HPSE2: variants seen among roughly 807,000 people sequenced by gnomAD.
HPSE2 encodes the protein inactive heparanase-2.
HPSE2 carries 38 observed loss-of-function variants against 60.5 expected under a neutral mutation model. The observed-to-expected ratio is 0.63, with a 90% confidence interval of 0.48 to 0.82. The LOEUF is 0.82. Ranked by LOEUF, HPSE2 falls within the 40% of genes least tolerant of loss-of-function variation. HPSE2 has a pLI of 0.00. For synonymous variants in HPSE2, 295 were observed against 293.2 expected (o/e 1.01, Z -0.06); for missense variants, 713 against 740.4 (o/e 0.96, Z 0.43).
intron 9 of HPSE2, among the ~76,000 whole-genome samples, chr10:98,553,018 T>C (rs1018964438): frequency 6.6e-5 from 10 of 152,220 alleles, no homozygotes; most frequent in African/African-American, 2.2e-4. Flanking sequence ...TTGGATTAAA[T>C]TGAATTCTAA....
chr10:99,256,713 T>C, the HPSE2 span, among the ~76,000 whole-genome samples: 274 of 152,310 alleles, frequency 1.8e-3, 3 homozygotes, highest in African/African-American at 6.4e-3. Context: ...GAAAATCTGA[T>C]GGACACTACT....
chr10:98,972,262 T>G (rs1403843059), intron 3 of HPSE2, among the ~76,000 whole-genome samples: 2 of 152,156 alleles, frequency 1.3e-5, no homozygotes, highest in Non-Finnish European at 2.9e-5. Context: ...TTGTTGATTC[T>G]AGGCATTCTA....
intron 2 of HPSE2, among the ~76,000 whole-genome samples, chr10:99,172,263 C>T (rs1847341223): frequency 6.6e-6 from 1 of 152,126 alleles, no homozygotes. Flanking sequence ...AAGAATTTGT[C>T]AAGCATCATC....
chr10:99,048,141 CT>C, intron 3 of HPSE2: 1 of 896,832 alleles, frequency 1.1e-6, no homozygotes, highest in Non-Finnish European at 1.8e-6. Context: ...AAGCAAATTG[CT>C]TTGACAGATA....
At chr10:98,838,460 A>ATT (rs150325307) in intron 3 of HPSE2, among the ~76,000 whole-genome samples, 1 of 142,398 alleles carries the variant, frequency 7.0e-6, no homozygotes, top group Non-Finnish European at 1.5e-5. Flanking sequence ...GGCCTGATTC[A>ATT]TTTTTTTTTT....
At chr10:98,668,227 TAA>T in intron 6 of HPSE2, among the ~76,000 whole-genome samples, 1 of 151,974 alleles carries the variant, frequency 6.6e-6, no homozygotes, top group Non-Finnish European at 1.5e-5. Flanking sequence ...AATACATCTA[TAA>T]GAGGAATTAC....
intron 3 of HPSE2, among the ~76,000 whole-genome samples, chr10:98,841,446 T>A (rs1305551622): frequency 6.6e-6 from 1 of 152,250 alleles, no homozygotes; most frequent in African/African-American, 2.4e-5. Context: ...TAAACATTTT[T>A]AAGCTTTATT....
intron 3 of HPSE2, among the ~76,000 whole-genome samples, chr10:98,849,620 A>G (rs1952119645): frequency 6.6e-6 from 1 of 152,268 alleles, no homozygotes; most frequent in Non-Finnish European, 1.5e-5. Flanking sequence ...CCTCTCCTAA[A>G]GGGAAAGGAA....
chr10:98,566,707 A>G (rs1479600057), intron 9 of HPSE2, among the ~76,000 whole-genome samples: 1 of 152,130 alleles, frequency 6.6e-6, no homozygotes, highest in Admixed American at 6.5e-5. Context: ...AGAGCTGGGG[A>G]AAACTTGCCC....
chr10:99,255,868 A>C, the HPSE2 span, among the ~76,000 whole-genome samples: 1 of 152,186 alleles, frequency 6.6e-6, no homozygotes, highest in Non-Finnish European at 1.5e-5. Context: ...GAACTGCCTG[A>C]GACTGGGTAA....
intron 2 of HPSE2, among the ~76,000 whole-genome samples, chr10:99,150,388 T>C (rs751959307): frequency 6.6e-6 from 1 of 152,132 alleles, no homozygotes; most frequent in Non-Finnish European, 1.5e-5. Context: ...TGTAGTGGCA[T>C]AGCCCACCAC....
chr10:99,287,139 T>C, the HPSE2 span, among the ~76,000 whole-genome samples: 1 of 152,166 alleles, frequency 6.6e-6, no homozygotes, highest in African/African-American at 2.4e-5. Context: ...ATCTTAGAGC[T>C]AATCCTGCAA....
At chr10:99,162,130 A>C (rs1418572004) in intron 2 of HPSE2, among the ~76,000 whole-genome samples, 1 of 152,222 alleles carries the variant, frequency 6.6e-6, no homozygotes. Flanking sequence ...ACAACTATCA[A>C]TGTACTTAAT....
intron 11 of HPSE2, among the ~76,000 whole-genome samples, chr10:98,479,851 G>C (rs990446255): frequency 6.6e-6 from 1 of 152,118 alleles, no homozygotes; most frequent in Non-Finnish European, 1.5e-5. Flanking sequence ...TTTGTGGAAG[G>C]CTTTATTTCA....
intron 3 of HPSE2, among the ~76,000 whole-genome samples, chr10:98,872,503 C>G (rs550666699): frequency 1.3e-4 from 20 of 152,108 alleles, no homozygotes; most frequent in African/African-American, 4.8e-4. Context: ...TAAAGTGTTA[C>G]AAAAAAGCAC....
At chr10:98,743,737 C>T (rs931226113) in intron 4 of HPSE2, 146 bp downstream of exon 4, 8 of 733,248 alleles carry the variant, frequency 1.1e-5, no homozygotes, top group Non-Finnish European at 2.0e-5. Flanking sequence ...GGTCTTCTAC[C>T]ATTTGGATAG....
chr10:98,769,447 G>A (rs1950195634), intron 3 of HPSE2, among the ~76,000 whole-genome samples: 1 of 152,252 alleles, frequency 6.6e-6, no homozygotes, highest in East Asian at 1.9e-4. Context: ...ATGGCATGAT[G>A]ACACACTACT....
intron 5 of HPSE2, among the ~76,000 whole-genome samples, chr10:98,719,556 T>G (rs997409071): frequency 6.6e-6 from 1 of 151,368 alleles, no homozygotes; most frequent in South Asian, 2.1e-4. Flanking sequence ...TTTACTGTAC[T>G]TTGATGTAGT....
At chr10:99,016,173 G>T (rs935524174) in intron 3 of HPSE2, among the ~76,000 whole-genome samples, 14 of 152,104 alleles carry the variant, frequency 9.2e-5, no homozygotes, top group Non-Finnish European at 1.9e-4. Flanking sequence ...AGTTTTGAGT[G>T]TTGCATTTAA....
Sources: allele counts gnomAD v4.1 joint callset (sites outside exome capture counted in the v4.1 genomes callset), GRCh38; gene constraint gnomAD v4.1.1; transcripts MANE v1.5; gene names NCBI Gene and HGNC (gene_info 2026-07-23, HGNC 2026-07-21).